Variants in LIN54 observed in about 807,000 individuals in gnomAD.
LIN54 encodes the protein protein lin-54 homolog.
Under a neutral mutation model 78.7 loss-of-function variants are expected in LIN54, and 9 were observed. The ratio of observed to expected loss-of-function variants is 0.11; its 90% CI spans 0.07 to 0.20. LIN54 has a LOEUF of 0.20. Among genes scored for constraint, LIN54 ranks in the 10% least tolerant of loss-of-function variants. The pLI, the probability that LIN54 is intolerant of heterozygous loss-of-function variation, is 1.00. For synonymous variants in LIN54, 269 were observed against 318.4 expected (o/e 0.84, Z 1.65); for missense variants, 573 against 889.9 (o/e 0.64, Z 4.53).
intron 4 of LIN54, among the ~76,000 whole-genome samples, chr4:82,947,933 G>A (rs1578519729): frequency 6.6e-6 from 1 of 152,012 alleles, no homozygotes; most frequent in Non-Finnish European, 1.5e-5. Flanking sequence ...AAGTCCAGGA[G>A]AAAACAAAAA....
intron 4 of LIN54, among the ~76,000 whole-genome samples, chr4:82,955,243 A>G (rs1724190552): frequency 6.6e-6 from 1 of 152,134 alleles, no homozygotes; most frequent in Non-Finnish European, 1.5e-5. Context: ...ATCCACTTGT[A>G]ATCCCAGCAG....
intron 4 of LIN54, among the ~76,000 whole-genome samples, chr4:82,949,518 T>G (rs543007264): frequency 1.2e-3 from 180 of 152,038 alleles, no homozygotes; most frequent in Non-Finnish European, 2.3e-3. Context: ...TGCCTCAGCC[T>G]CCCAAGTAGC....
intron 4 of LIN54, among the ~76,000 whole-genome samples, chr4:82,950,505 GAAC>G (rs540480252): frequency 3.7e-4 from 57 of 152,286 alleles, no homozygotes; most frequent in African/African-American, 1.3e-3. Flanking sequence ...GGCCTGCAAA[GAAC>G]AACATGTGAA....
intron 4 of LIN54, among the ~76,000 whole-genome samples, chr4:82,952,965 A>T (rs1723961883): frequency 6.6e-6 from 1 of 152,164 alleles, no homozygotes; most frequent in African/African-American, 2.4e-5. Flanking sequence ...AGGAGAGAAA[A>T]GATGAAGGGT....
In LIN54 at chr4:82,947,733, TG is replaced by T. The variant is rs955996334; in HGVS notation, c.952-1260del. Among the ~76,000 whole-genome samples the T allele has an allele frequency of 2.2e-4, 33 of 152,242 alleles. 1 individual carries two copies. Among genetic ancestry groups the T allele is most frequent in the South Asian group, 1.2e-3 (6 of 4,822 alleles). On this transcript the variant is annotated intron_variant, in intron 4 of 12. Coordinates refer to ENST00000340417, the MANE Select transcript of LIN54 (RefSeq NM_194282.4). Reference sequence around the variant, plus strand: ...GCTGTTTAACCAATGTACAACACACTGTCATACAATGCAAAGGATCAAAGAG... The same window carrying T: ...GCTGTTTAACCAATGTACAACACACTTCATACAATGCAAAGGATCAAAGAG...
In LIN54 at chr4:82,957,882, G is replaced by T. The variant is rs151105679; in HGVS notation, c.952-11408C>A. 3.4e-3 allele frequency among the ~76,000 whole-genome samples: 510 copies of T among 152,238 alleles called. 3 individuals are homozygous for T. Among genetic ancestry groups the T allele is most frequent in the African/African-American group, 0.012 (491 of 41,540 alleles). On this transcript the variant is annotated intron_variant, in intron 4 of 12. Transcript: ENST00000340417. ...ATTCCCCAAAAAGAGCACAGAAAAT[G>T]CCCCTACCACATAGTAAGCACTCAG...
At position 83,010,512 on chromosome 4, in the gene LIN54, C is replaced by T; in HGVS notation, c.-61G>A. The T allele has an allele frequency of 6.0e-6, 7 of 1,171,168 alleles. No individual in the cohort carries two copies. The highest frequency in any genetic ancestry group is 7.9e-5 in the East Asian group (2 of 25,352). The allele number at this position is 1,171,168 out of a possible 1,614,324, so 72.5% of individuals were successfully genotyped here. On this transcript the variant is annotated 5_prime_UTR_variant, in exon 1 of 13. Transcript: ENST00000340417. ...CAGCGGCTGCCGCTTTCTCCTCCCT[C>T]GGGCTCCGAGGTAGGGGCTCCAGAA...
At chr4:82,942,892 A>ACACACACCCT (rs1553948199) in intron 5 of LIN54, among the ~76,000 whole-genome samples, 3 of 142,374 alleles carry the variant, frequency 2.1e-5, no homozygotes, top group Non-Finnish European at 4.6e-5. Flanking sequence ...ACACACACAC[A>ACACACACCCT]CCCTCCCTCC....
intron 3 of LIN54, among the ~76,000 whole-genome samples, chr4:82,976,304 C>T (rs1294993457): frequency 1.3e-5 from 2 of 151,246 alleles, no homozygotes; most frequent in African/African-American, 2.4e-5. Context: ...AGAAAAATCG[C>T]TTATACACAA....
chr4:82,933,731 T>C (rs1015177082), intron 11 of LIN54, among the ~76,000 whole-genome samples: 4 of 152,256 alleles, frequency 2.6e-5, no homozygotes, highest in African/African-American at 4.8e-5. Flanking sequence ...AAAATTTCAT[T>C]AGAATAGGTA....
chr4:82,995,529 T>C (rs1262082979), intron 1 of LIN54, among the ~76,000 whole-genome samples: 3 of 130,678 alleles, frequency 2.3e-5, no homozygotes, highest in Non-Finnish European at 4.7e-5. Flanking sequence ...GGAGTCTCGC[T>C]CTGTCACCCA....
At position 82,984,956 on chromosome 4, in the gene LIN54, C is replaced by A. The variant is rs185851077; in HGVS notation, c.-32-80G>T. 2.9e-4 allele frequency: 260 copies of A among 888,684 alleles called. 1 individual carries two copies. The African/African-American group carries it at 3.7e-3, about 13-fold the overall frequency. 55.0% of individuals were successfully genotyped at this position (888,684 alleles called of 1,614,324 possible). A position where few individuals can be genotyped will look rare whatever the true frequency, so the allele number is the denominator to read the frequency against. ...AAAAATTCAAAAAAAATGCAAATGG[C>A]AAAATGACAATTTTTAAATTGATAT... On this transcript the variant is annotated intron_variant, in intron 1 of 12. Transcript: ENST00000340417.
chr4:82,951,017 A>G (rs1427227777), intron 4 of LIN54, among the ~76,000 whole-genome samples: 2 of 152,206 alleles, frequency 1.3e-5, no homozygotes, highest in Admixed American at 6.5e-5. Flanking sequence ...ACGTATTAAT[A>G]TAGTTTTTAA....
chr4:82,962,635 TAGCATA>T (rs1403770752), intron 4 of LIN54, among the ~76,000 whole-genome samples: 2 of 150,268 alleles, frequency 1.3e-5, no homozygotes, highest in Non-Finnish European at 3.0e-5. Context: ...GATGAGTAGA[TAGCATA>T]AATAAAAAAA....
intron 1 of LIN54, among the ~76,000 whole-genome samples, chr4:83,000,382 AC>A (rs1728653523): frequency 6.6e-6 from 1 of 152,132 alleles, no homozygotes; most frequent in Non-Finnish European, 1.5e-5. Flanking sequence ...AAGCTGCTAA[AC>A]CCTGAGCCTT....
chr4:82,927,870 T>A lies in LIN54; in HGVS notation c.*232A>T. The A allele has an allele frequency of 2.3e-6, 1 of 430,498 alleles. No individual in the cohort carries two copies. The highest frequency in any genetic ancestry group is 4.1e-6 in the Non-Finnish European group (1 of 243,878). 26.7% of individuals were successfully genotyped at this position (430,498 alleles called of 1,614,324 possible). ...TAAGAAACCCAAGCAAATTAAAAAA[T>A]CTATATAATAAAGAAAAATTCAATT... On this transcript the variant is annotated 3_prime_UTR_variant, in exon 13 of 13. Transcript: ENST00000340417.
chr4:82,988,854 T>C (rs920088891), intron 1 of LIN54, among the ~76,000 whole-genome samples: 1 of 152,222 alleles, frequency 6.6e-6, no homozygotes. Context: ...TCTGTATATC[T>C]TCCTTTGACA....
chr4:82,974,126 C>T (rs56329143), intron 3 of LIN54, among the ~76,000 whole-genome samples: 2,453 of 151,950 alleles, frequency 0.016, 29 homozygotes, highest in Non-Finnish European at 0.024. Flanking sequence ...AAGAGAATGG[C>T]GTGAACCCAG....
intron 4 of LIN54, among the ~76,000 whole-genome samples, chr4:82,953,767 T>C (rs1008412618): frequency 6.6e-6 from 1 of 152,086 alleles, no homozygotes; most frequent in African/African-American, 2.4e-5. Flanking sequence ...ATGGGCAACA[T>C]GGCAAAACCC....
Sources: gnomAD v4.1 joint callset for allele counts (sites outside exome capture counted in the v4.1 genomes callset) on GRCh38, gnomAD v4.1.1 for gene constraint, MANE v1.5 for transcripts, NCBI Gene and HGNC (gene_info 2026-07-23, HGNC 2026-07-21) for gene names.